PLXDC2: variants seen among roughly 807,000 people sequenced by gnomAD.
The protein encoded by PLXDC2 is plexin domain-containing protein 2.
PLXDC2 carries 40 observed loss-of-function variants against 68.9 expected under a neutral mutation model. That is an observed-to-expected ratio of 0.58 (90% CI 0.45 to 0.76). The LOEUF (loss-of-function observed/expected upper bound fraction) is 0.76. Ranked by LOEUF, PLXDC2 falls within the 30% of genes least tolerant of loss-of-function variation. The pLI, the probability that PLXDC2 is intolerant of heterozygous loss-of-function variation, is 0.00. For missense variants in PLXDC2, 644 were observed against 661.9 expected (o/e 0.97, Z 0.30); for synonymous variants, 243 against 234.2 (o/e 1.04, Z -0.34).
chr10:20,242,474 A>T (rs1835529727), intron 12 of PLXDC2, among the ~76,000 whole-genome samples: 1 of 152,184 alleles, frequency 6.6e-6, no homozygotes, highest in African/African-American at 2.4e-5. Context: ...CGTTTTGGAG[A>T]TAAGGTTAAC....
At chr10:20,174,451 G>C (rs988548127) in intron 7 of PLXDC2, among the ~76,000 whole-genome samples, 1 of 152,070 alleles carries the variant, frequency 6.6e-6, no homozygotes, top group African/African-American at 2.4e-5. Flanking sequence ...CACTGGATTA[G>C]AGTTCTTAAA....
intron 4 of PLXDC2, among the ~76,000 whole-genome samples, chr10:20,140,253 C>T (rs1007878766): frequency 3.3e-5 from 5 of 151,904 alleles, no homozygotes; most frequent in Non-Finnish European, 7.4e-5. Flanking sequence ...GAGCAGAGAT[C>T]GCGCCACTGC....
intron 1 of PLXDC2, among the ~76,000 whole-genome samples, chr10:19,987,859 C>T (rs1202442546): frequency 2.6e-5 from 4 of 152,088 alleles, no homozygotes; most frequent in African/African-American, 9.7e-5. Context: ...TGAGCTACCG[C>T]GCCCAGCCGA....
At chr10:19,842,868 T>C (rs758512194) in intron 1 of PLXDC2, among the ~76,000 whole-genome samples, 4 of 152,200 alleles carry the variant, frequency 2.6e-5, no homozygotes, top group Non-Finnish European at 4.4e-5. Flanking sequence ...TCTTATCTTT[T>C]GACGTCATGT....
chr10:19,836,414 A>G (rs1836794085), intron 1 of PLXDC2, among the ~76,000 whole-genome samples: 1 of 152,214 alleles, frequency 6.6e-6, no homozygotes, highest in Admixed American at 6.5e-5. Flanking sequence ...CCAAAAATGC[A>G]ACTTGACTTT....
At chr10:19,902,522 A>G (rs905338376) in intron 1 of PLXDC2, among the ~76,000 whole-genome samples, 1 of 152,080 alleles carries the variant, frequency 6.6e-6, no homozygotes, top group African/African-American at 2.4e-5. Context: ...ATTTGTATAC[A>G]TTAATTTTGT....
intron 9 of PLXDC2, among the ~76,000 whole-genome samples, chr10:20,206,201 T>C (rs938329826): frequency 3.9e-5 from 6 of 152,122 alleles, no homozygotes; most frequent in African/African-American, 1.4e-4. Flanking sequence ...AAAAATAACT[T>C]ATCTAAGATC....
At position 19,817,109 on chromosome 10, in the gene PLXDC2, C is replaced by A. The variant is rs573845253; in HGVS notation, c.30C>A (p.Ala10=). 1.3e-6 allele frequency: 2 copies of A among 1,564,440 alleles called. No homozygotes were observed. The highest frequency in any genetic ancestry group is 4.8e-5 in the East Asian group (2 of 41,752). ...CGAGGTTCCCGAAGGCCGACCTGGC[C>A]GCTGCAGGAGTTATGTTACTTTGCC... is the stretch of plus-strand genomic sequence containing the variant. MARFPKADL[A]AAGVMLLCHF... Residue 10 remains alanine, a synonymous_variant, in exon 1 of 14, where the codon GCC becomes GCA. Transcript: ENST00000377252.
chr10:19,940,512 C>G (rs1319708209), intron 1 of PLXDC2, among the ~76,000 whole-genome samples: 3 of 148,348 alleles, frequency 2.0e-5, no homozygotes, highest in African/African-American at 7.5e-5. Context: ...TAGGTCTGAG[C>G]ACATCTCATT....
At chr10:20,070,071 T>C (rs115637303) in intron 4 of PLXDC2, among the ~76,000 whole-genome samples, 9 of 152,224 alleles carry the variant, frequency 5.9e-5, no homozygotes, top group African/African-American at 2.2e-4. Context: ...AATGGTAGGG[T>C]ATATTTGGGA....
chr10:19,886,458 A>G (rs1201954634), intron 1 of PLXDC2, among the ~76,000 whole-genome samples: 2 of 152,182 alleles, frequency 1.3e-5, no homozygotes, highest in Admixed American at 1.3e-4. Flanking sequence ...CTGGGATGCA[A>G]AGCTGATTCA....
chr10:19,896,474 G>A (rs140547751), intron 1 of PLXDC2, among the ~76,000 whole-genome samples: 1 of 152,122 alleles, frequency 6.6e-6, no homozygotes, highest in African/African-American at 2.4e-5. Context: ...GAAGGAATGA[G>A]TATAAAGTAC....
At chr10:20,010,131 C>T (rs1027014996) in intron 2 of PLXDC2, among the ~76,000 whole-genome samples, 7 of 152,144 alleles carry the variant, frequency 4.6e-5, no homozygotes, top group Non-Finnish European at 7.4e-5. Context: ...AGGTCTCTGT[C>T]ATTGCCTTTC....
At position 19,827,570 on chromosome 10, in the gene PLXDC2, T is replaced by C. The variant is rs1020135634; in HGVS notation, c.112+10379T>C. Among the ~76,000 whole-genome samples the C allele has an allele frequency of 2.6e-5, 4 of 151,994 alleles. 1 individual carries two copies. The highest frequency in any genetic ancestry group is 4.1e-4 in the South Asian group (2 of 4,824). On this transcript the variant is annotated intron_variant, in intron 1 of 13. Coordinates refer to ENST00000377252, the MANE Select transcript of PLXDC2 (RefSeq NM_032812.9). ...CAATTTTCTTTTTCTTTTTCTTTTT[T>C]TTTTTTTTAAGACAGAGTCTCACTT...
At chr10:20,233,993 T>TA (rs1217100718) in intron 12 of PLXDC2, among the ~76,000 whole-genome samples, 2 of 150,766 alleles carry the variant, frequency 1.3e-5, no homozygotes, top group Non-Finnish European at 3.0e-5. Flanking sequence ...CCTACTTTTT[T>TA]TTTTTTTATT....
At chr10:20,189,220 T>C (rs1390172972) in intron 9 of PLXDC2, among the ~76,000 whole-genome samples, 1 of 151,226 alleles carries the variant, frequency 6.6e-6, no homozygotes, top group Admixed American at 6.6e-5. Flanking sequence ...GATGTTATTT[T>C]ATCCATAACA....
intron 1 of PLXDC2, among the ~76,000 whole-genome samples, chr10:19,910,424 A>G (rs1833245341): frequency 6.6e-6 from 1 of 151,750 alleles, no homozygotes; most frequent in African/African-American, 2.4e-5. Context: ...TACTATTATA[A>G]TCACTATCCG....
At chr10:20,120,650 C>G (rs1589638695) in intron 4 of PLXDC2, among the ~76,000 whole-genome samples, 1 of 152,132 alleles carries the variant, frequency 6.6e-6, no homozygotes, top group East Asian at 1.9e-4. Context: ...TTTTAGTTAT[C>G]TGACTCGGGG....
At chr10:20,055,450 A>G (rs890734484) in intron 3 of PLXDC2, among the ~76,000 whole-genome samples, 2 of 152,000 alleles carry the variant, frequency 1.3e-5, no homozygotes, top group Non-Finnish European at 2.9e-5. Flanking sequence ...ATAAGTGCTC[A>G]TTTTTCAAAA....
Sources: gnomAD v4.1 joint callset for allele counts (sites outside exome capture counted in the v4.1 genomes callset) on GRCh38, gnomAD v4.1.1 for gene constraint, MANE v1.5 for transcripts, NCBI Gene and HGNC (gene_info 2026-07-23, HGNC 2026-07-21) for gene names.